Variants in FAM149B1 observed in about 807,000 individuals in gnomAD.
FAM149B1 encodes the protein family with sequence similarity 149 member B1, also known as primary cilium assembly protein FAM149B1.
FAM149B1 carries 56 observed loss-of-function variants against 75.3 expected under a neutral mutation model. That is an observed-to-expected ratio of 0.74 (90% CI 0.60 to 0.93). FAM149B1 has a LOEUF of 0.93. Ranked by LOEUF, FAM149B1 falls within the 40% of genes least tolerant of loss-of-function variation. FAM149B1 has a pLI of 0.00. For synonymous variants in FAM149B1, 259 were observed against 256.1 expected (o/e 1.01, Z -0.11); for missense variants, 639 against 708.4 (o/e 0.90, Z 1.11).
chr10:73,226,138 C>T (rs1018344409), intron 7 of FAM149B1, among the ~76,000 whole-genome samples: 3 of 150,508 alleles, frequency 2.0e-5, no homozygotes, highest in African/African-American at 7.4e-5. Flanking sequence ...CCAGATTTGA[C>T]CCATGGGCTA....
intron 6 of FAM149B1, 47 bp from the exon 7 acceptor site, chr10:73,210,203 GC>G (rs1453906189): frequency 7.5e-7 from 1 of 1,325,602 alleles, no homozygotes; most frequent in African/African-American, 1.5e-5. Context: ...TAGAAAGGCA[GC>G]CTTCCCTTCA....
intron 5 of FAM149B1, chr10:73,200,788 G>A: frequency 4.2e-6 from 2 of 472,560 alleles, no homozygotes; most frequent in South Asian, 3.4e-5. Context: ...AGGAATGGAA[G>A]TTGGATATAC....
At chr10:73,227,638 T>A (rs887766590) in intron 7 of FAM149B1, among the ~76,000 whole-genome samples, 5 of 152,160 alleles carry the variant, frequency 3.3e-5, no homozygotes, top group Non-Finnish European at 7.3e-5. Context: ...TACTGTCCAA[T>A]AGAGTAGGCA....
intron 12 of FAM149B1, among the ~76,000 whole-genome samples, chr10:73,237,133 T>G (rs1374433809): frequency 6.6e-6 from 1 of 152,192 alleles, no homozygotes; most frequent in African/African-American, 2.4e-5. Flanking sequence ...TACCTTAACT[T>G]GATTTATCTG....
chr10:73,201,007 C>T (rs1479028633), intron 5 of FAM149B1: 3 of 312,540 alleles, frequency 9.6e-6, no homozygotes, highest in East Asian at 7.8e-5. Context: ...CTTGTTGGCA[C>T]GTGGGACTGA....
At chr10:73,218,223 A>T (rs774840692) in intron 7 of FAM149B1, among the ~76,000 whole-genome samples, 1 of 152,180 alleles carries the variant, frequency 6.6e-6, no homozygotes, top group South Asian at 2.1e-4. Context: ...TTCCATGACT[A>T]AGTTTCGAGA....
At chr10:73,234,992 G>T in intron 11 of FAM149B1, 52 bp downstream of exon 11, 1 of 1,537,610 alleles carries the variant, frequency 6.5e-7, no homozygotes. Flanking sequence ...AACCTAATGG[G>T]CAGTAATTCT....
intron 4 of FAM149B1, among the ~76,000 whole-genome samples, 165 bp downstream of exon 4, chr10:73,192,863 T>C (rs141238756): frequency 3.9e-5 from 6 of 152,380 alleles, no homozygotes; most frequent in East Asian, 3.9e-4. Flanking sequence ...CTTAAGTTGG[T>C]AGAAGTTTCT....
chr10:73,214,989 T>TTTGTTG (rs552043485), intron 7 of FAM149B1, among the ~76,000 whole-genome samples: 36 of 152,042 alleles, frequency 2.4e-4, no homozygotes, highest in Non-Finnish European at 4.0e-4. Context: ...CTATCTGGTT[T>TTTGTTG]TTGTTGTTGT....
At position 73,208,642 on chromosome 10, in the gene FAM149B1, T is replaced by A; in HGVS notation, c.566T>A (p.Leu189Ter). 6.5e-7 allele frequency: 1 copy of A among 1,535,992 alleles called. No individual in the cohort carries two copies. The highest frequency in any genetic ancestry group is 8.8e-7 in the Non-Finnish European group (1 of 1,138,722). Reference protein sequence around the residue: ...STIFGIRGKKLHFSSSYAHKA... With the variant: ...STIFGIRGKK Reference sequence around the variant, plus strand: ...AGATTTGGTATAAGGGGAAAGAAGTTACATTTTTCATCTTCTTATGCTCAT... The same window carrying A: ...AGATTTGGTATAAGGGGAAAGAAGTAACATTTTTCATCTTCTTATGCTCAT... The change falls in exon 6 of 14, where the codon TTA becomes TAA. Residue 189 changes from leucine (L) to a stop codon, truncating the protein, a stop_gained. Transcript: ENST00000242505. LOFTEE classifies it high-confidence loss of function.
chr10:73,207,352 C>G (rs1279796165), intron 5 of FAM149B1, among the ~76,000 whole-genome samples: 1 of 151,898 alleles, frequency 6.6e-6, no homozygotes, highest in South Asian at 2.1e-4. Context: ...TCACTAGAGA[C>G]CAGGAGTTCG....
At chr10:73,239,666 TA>T (rs201361133) in intron 13 of FAM149B1, among the ~76,000 whole-genome samples, 10 of 150,992 alleles carry the variant, frequency 6.6e-5, no homozygotes, top group East Asian at 1.9e-4. Context: ...TTTTTTTTTT[TA>T]AATCTAAAAA....
At chr10:73,238,814 C>A (rs573735451) in intron 12 of FAM149B1, 1 of 152,400 alleles carries the variant, frequency 6.6e-6, no homozygotes, top group South Asian at 2.1e-4. Context: ...ATATTGTAGT[C>A]GTATCTCTAC....
At chr10:73,196,648 T>C (rs1380116640) in intron 5 of FAM149B1, among the ~76,000 whole-genome samples, 2 of 151,720 alleles carry the variant, frequency 1.3e-5, no homozygotes, top group Admixed American at 6.6e-5. Flanking sequence ...TTAAATCAGA[T>C]TTTTTTTTAA....
Position 73,241,148 on chromosome 10 carries a change from C to T in FAM149B1, c.*129C>T. The T allele has an allele frequency of 1.5e-6, 1 of 669,856 alleles. No individual in the cohort carries two copies. Among genetic ancestry groups the T allele is most frequent in the Non-Finnish European group, 2.7e-6 (1 of 372,942 alleles). 41.5% of individuals were successfully genotyped at this position (669,856 alleles called of 1,614,324 possible). ...TCATCTTCATGAAGAGTGATTTTGG[C>T]ACAAGTGACCGAAGAACAAAACACC... On this transcript the variant is annotated 3_prime_UTR_variant, in exon 14 of 14. Transcript: ENST00000242505.
At chr10:73,170,601 C>T (rs1284570045) in intron 1 of FAM149B1, among the ~76,000 whole-genome samples, 1 of 152,144 alleles carries the variant, frequency 6.6e-6, no homozygotes, top group South Asian at 2.1e-4. Flanking sequence ...TGTCCCTTCG[C>T]ACTTTTACTT....
At chr10:73,239,083 G>C in intron 12 of FAM149B1, 1 of 468,362 alleles carries the variant, frequency 2.1e-6, no homozygotes, top group Non-Finnish European at 3.8e-6. Context: ...TAACGGCATA[G>C]TAATAATATT....
chr10:73,172,666 C>T (rs1843763639), intron 1 of FAM149B1, among the ~76,000 whole-genome samples: 1 of 152,126 alleles, frequency 6.6e-6, no homozygotes, highest in Non-Finnish European at 1.5e-5. Flanking sequence ...TGATTGACCC[C>T]ATAGATTACT....
rs1273279811 is a variant in FAM149B1 at position 73,210,339 on chromosome 10, A to C, written c.799A>C (p.Lys267Gln). The change falls in exon 7 of 14, where the codon AAA becomes CAA. Residue 267 changes from lysine to glutamine, a missense_variant. Transcript: ENST00000242505. The part of the protein sequence containing the change: ...YPPIAPFYCM[K>Q]EDVLAYVFDS... ...TCCCATTGCTCCATTTTACTGCATG[A>C]AAGAAGATGTCCTTGCTTATGTGTT... The C allele has an allele frequency of 1.9e-6, 3 of 1,551,412 alleles. No individual in the cohort carries two copies. Among genetic ancestry groups the C allele is most frequent in the Admixed American group, 3.9e-5 (2 of 51,014 alleles).
Sources: allele counts gnomAD v4.1 joint callset (sites outside exome capture counted in the v4.1 genomes callset), GRCh38; gene constraint gnomAD v4.1.1; transcripts MANE v1.5; gene names NCBI Gene and HGNC (gene_info 2026-07-23, HGNC 2026-07-21).